Variants in IQCH observed in about 807,000 individuals in gnomAD.
IQCH encodes IQ motif containing H, also known as IQ domain-containing protein H.
A neutral mutation model predicts 117.0 loss-of-function variants in IQCH; 98 were observed. That is an observed-to-expected ratio of 0.84 (90% CI 0.71 to 0.99). The LOEUF (loss-of-function observed/expected upper bound fraction) is 0.99, where lower values mean the gene tolerates loss of function less well. Among genes scored for constraint, IQCH ranks in the 50% least tolerant of loss-of-function variants. The pLI is 0.00. For missense variants in IQCH, 1,102 were observed against 1,243.8 expected (o/e 0.89, Z 1.72); for synonymous variants, 412 against 448.2 (o/e 0.92, Z 1.02).
At chr15:67,360,349 G>A (rs1429955781) in intron 8 of IQCH, among the ~76,000 whole-genome samples, 1 of 152,186 alleles carries the variant, frequency 6.6e-6, no homozygotes, top group East Asian at 1.9e-4. Context: ...TTAGAGTTAA[G>A]CTAATCCTAA....
intron 6 of IQCH, among the ~76,000 whole-genome samples, chr15:67,347,546 G>A (rs540272414): frequency 1.7e-4 from 25 of 151,122 alleles, no homozygotes; most frequent in Admixed American, 1.3e-3. Context: ...AACATTGTAA[G>A]AAAAAAAATG....
chr15:67,409,693 G>T (rs1406400212), intron 14 of IQCH, among the ~76,000 whole-genome samples: 2 of 152,162 alleles, frequency 1.3e-5, no homozygotes, highest in African/African-American at 4.8e-5. Flanking sequence ...CCACACAGCC[G>T]AAATGGGCCA....
chr15:67,315,041 C>T (rs1567089370), intron 4 of IQCH, among the ~76,000 whole-genome samples: 1 of 152,112 alleles, frequency 6.6e-6, no homozygotes, highest in Admixed American at 6.5e-5. Context: ...TAACCCTTGA[C>T]TTTATAGGAT....
chr15:67,371,316 A>C, intron 8 of IQCH: 1 of 404,672 alleles, frequency 2.5e-6, no homozygotes. Context: ...ATTGCTCAGC[A>C]TCCGAGTCTT....
At chr15:67,312,169 A>T (rs1967627236) in intron 4 of IQCH, among the ~76,000 whole-genome samples, 3 of 152,188 alleles carry the variant, frequency 2.0e-5, no homozygotes, top group African/African-American at 7.2e-5. Context: ...GACCTGTGTC[A>T]CATCTATGGT....
At position 67,381,170 on chromosome 15, in the gene IQCH, G is replaced by C. The variant is rs1173833891; in HGVS notation, c.1373-3766G>C. Reference sequence around the variant, plus strand: ...TGTGAAAGAAAAGCCAATCCTAGCAGAGCTAGTTTGCTGGATGCAAAGAGG... The same window carrying C: ...TGTGAAAGAAAAGCCAATCCTAGCACAGCTAGTTTGCTGGATGCAAAGAGG... On this transcript the variant is annotated intron_variant, in intron 10 of 20. Coordinates refer to ENST00000335894, the MANE Select transcript of IQCH (RefSeq NM_001031715.3). This position sits in a 1 kb window ranked among gnomAD's most constrained non-coding sequence, Gnocchi z 5.1. Among the ~76,000 whole-genome samples, 1 of 152,212 alleles carries C rather than the reference G, an allele frequency of 6.6e-6. No homozygotes were observed. Among genetic ancestry groups the C allele is most frequent in the Non-Finnish European group, 1.5e-5 (1 of 68,042 alleles).
At position 67,454,918 on chromosome 15, in the gene IQCH, C is replaced by T. The variant is rs75322444; in HGVS notation, c.2506-10209C>T. Among the ~76,000 whole-genome samples, 3,986 of 152,242 alleles carry T rather than the reference C, an allele frequency of 0.026. 62 individuals are homozygous for T. The highest frequency in any genetic ancestry group is 0.037 in the Non-Finnish European group (2,525 of 68,022). On this transcript the variant is annotated intron_variant, in intron 16 of 20. Coordinates refer to ENST00000335894, the MANE Select transcript of IQCH (RefSeq NM_001031715.3). The surrounding 1 kb of genome is among the most constrained non-coding windows in gnomAD (Gnocchi z 5.2). ...TGTTTTCATTTGTCTTGGTTATATA[C>T]CTAAGAGCAGAACTGATGGGTCAAA...
chr15:67,421,783 C>T (rs2081749455), intron 16 of IQCH, among the ~76,000 whole-genome samples: 4 of 152,168 alleles, frequency 2.6e-5, no homozygotes, highest in Non-Finnish European at 5.9e-5. Context: ...AGGGTTGTCT[C>T]GTTCAGGTAC....
intron 4 of IQCH, among the ~76,000 whole-genome samples, chr15:67,307,449 G>C (rs1357455728): frequency 6.8e-6 from 1 of 146,120 alleles, no homozygotes; most frequent in Non-Finnish European, 1.5e-5. Context: ...TAGAAAGTGA[G>C]GCAATTGTGT....
intron 5 of IQCH, among the ~76,000 whole-genome samples, chr15:67,338,583 T>G (rs1969007487): frequency 6.6e-6 from 1 of 152,182 alleles, no homozygotes; most frequent in South Asian, 2.1e-4. Context: ...AGGTCCAGAA[T>G]GAGGTGAAAG....
rs1966595551 is a variant in IQCH, at chr15:67,287,170, T to G, written c.387+7658T>G. ...TCTTAATGTGTTGTTGAATTCAGTT[T>G]GCTAATTTTTTTGAGATTTTTGCAT... On this transcript the variant is annotated intron_variant, in intron 4 of 20. Coordinates refer to ENST00000335894, the MANE Select transcript of IQCH (RefSeq NM_001031715.3). Among the ~76,000 whole-genome samples, 3 of 152,198 alleles carry G rather than the reference T, an allele frequency of 2.0e-5. 1 individual carries two copies. The South Asian group carries it at 6.2e-4, about 32-fold the overall frequency.
chr15:67,421,289 AG>A lies in IQCH; in HGVS notation c.2222del. The A allele has an allele frequency of 6.2e-7, 1 of 1,612,428 alleles. No individual in the cohort carries two copies. On this transcript the variant is annotated splice_acceptor_variant, in intron 15 of 20. Transcript: ENST00000335894. LOFTEE classifies it high-confidence loss of function. ...TCACCTACTCCATGTTTTTCCCACC[AG>A]GGGGTGTGATCGAAGCATTCCCACC...
intron 12 of IQCH, among the ~76,000 whole-genome samples, chr15:67,394,113 T>C (rs1001946778): frequency 7.9e-5 from 12 of 152,116 alleles, no homozygotes; most frequent in Non-Finnish European, 1.6e-4. Flanking sequence ...TGCCCTCTTC[T>C]CTAGAGGGAG....
At chr15:67,275,105 T>C (rs1229630426) in intron 3 of IQCH, among the ~76,000 whole-genome samples, 9 of 152,228 alleles carry the variant, frequency 5.9e-5, no homozygotes, top group Non-Finnish European at 1.2e-4. Context: ...GGGATGGTTG[T>C]CTCACCTCCC....
chr15:67,280,773 A>G (rs1234559646), intron 4 of IQCH, among the ~76,000 whole-genome samples: 1 of 152,030 alleles, frequency 6.6e-6, no homozygotes, highest in Non-Finnish European at 1.5e-5. Flanking sequence ...GGGTAGCAGG[A>G]ACTGTTAGCA....
chr15:67,389,256 G>C (rs1352083093), intron 12 of IQCH, among the ~76,000 whole-genome samples: 1 of 152,184 alleles, frequency 6.6e-6, no homozygotes, highest in Non-Finnish European at 1.5e-5. Context: ...GTACCATCAA[G>C]TAGGTGGATT....
chr15:67,399,626 C>T (rs1971577868), intron 13 of IQCH, among the ~76,000 whole-genome samples: 2 of 152,114 alleles, frequency 1.3e-5, no homozygotes, highest in Non-Finnish European at 2.9e-5. Flanking sequence ...ATTTCATGTA[C>T]ATTAATGAGG....
chr15:67,429,039 A>C (rs989390458), intron 16 of IQCH, among the ~76,000 whole-genome samples: 1 of 152,154 alleles, frequency 6.6e-6, no homozygotes, highest in African/African-American at 2.4e-5. Flanking sequence ...CTCCAGGAGG[A>C]ACAAAGCCCT....
rs2083950979 is a variant in IQCH at position 67,500,514 on chromosome 15, G to A, written c.2971-119G>A. The stretch of plus-strand genomic sequence containing the variant: ...ATAATCTGTAGACAAATGCCAGTTG[G>A]TAGAATACATTCTGAATAGAACTGG... On this transcript the variant is annotated intron_variant, in intron 20 of 20. Transcript: ENST00000335894. The surrounding 1 kb of genome is among the most constrained non-coding windows in gnomAD (Gnocchi z 4.4). 2.2e-6 allele frequency: 1 copy of A among 456,996 alleles called. No individual in the cohort carries two copies. The highest frequency in any genetic ancestry group is 3.4e-5 in the East Asian group (1 of 29,598). The allele number at this position is 456,996 out of a possible 1,614,324, so 28.3% of individuals were successfully genotyped here.
Sources: gnomAD v4.1 joint callset for allele counts (sites outside exome capture counted in the v4.1 genomes callset) on GRCh38, gnomAD v4.1.1 for gene constraint, Gnocchi (gnomAD v3.1) non-coding constraint, MANE v1.5 for transcripts, NCBI Gene and HGNC (gene_info 2026-07-23, HGNC 2026-07-21) for gene names.